TSKS: variants seen among roughly 807,000 people sequenced by gnomAD.
TSKS encodes testis specific serine kinase substrate, also known as testis-specific serine kinase substrate.
In TSKS, 27 loss-of-function variants were observed where a neutral mutation model predicts 68.0. That is an observed-to-expected ratio of 0.40 (90% confidence interval 0.29 to 0.55). The LOEUF is 0.55. Ranked by LOEUF, TSKS falls within the 20% of genes least tolerant of loss-of-function variation. The pLI is 0.53. For missense variants in TSKS, 806 were observed against 776.0 expected (o/e 1.04, Z -0.46); for synonymous variants, 331 against 340.4 (o/e 0.97, Z 0.30).
At chr19:49,757,138 G>T (rs1178946169) in intron 2 of TSKS, among the ~76,000 whole-genome samples, 1 of 152,156 alleles carries the variant, frequency 6.6e-6, no homozygotes, top group Non-Finnish European at 1.5e-5. Context: ...TTTCTTATTT[G>T]CTCTCTCTTC....
Position 49,747,004 on chromosome 19 carries a change from A to G in TSKS, c.664-206T>C, listed in dbSNP as rs1176467784. The G allele has an allele frequency of 2.5e-6, 3 of 1,219,018 alleles. No individual in the cohort carries two copies. In the Admixed American group the frequency reaches 7.9e-5, roughly 32 times the overall value. The allele number at this position is 1,219,018 out of a possible 1,614,324, so 75.5% of individuals were successfully genotyped here. A position where few individuals can be genotyped will look rare whatever the true frequency, so the allele number is the denominator to read the frequency against. ...ACTCCAATTCCCGCTAACCTCCCAC[A>G]GCCTGCCTCCAGGTATCCACCCGGC... On this transcript the variant is annotated intron_variant, in intron 5 of 10. Transcript: ENST00000246801.
At chr19:49,742,072 G>A (rs745842053) in intron 8 of TSKS, 52 bp from the exon 9 acceptor site, 6 of 1,592,058 alleles carry the variant, frequency 3.8e-6, no homozygotes, top group Admixed American at 1.7e-5. Flanking sequence ...ACTCCAGGAC[G>A]CCCCATGCCC....
intron 2 of TSKS, among the ~76,000 whole-genome samples, chr19:49,760,664 C>A (rs1393016772): frequency 6.6e-6 from 1 of 151,168 alleles, no homozygotes. Flanking sequence ...CAGGTGTGTG[C>A]CTGTGGTCCC....
chr19:49,748,217 C>T (rs764159627), intron 3 of TSKS, 49 bp from the exon 4 acceptor site: 2 of 1,603,518 alleles, frequency 1.2e-6, no homozygotes, highest in Non-Finnish European at 1.7e-6. Context: ...AGGGGACAGC[C>T]TGTGGAAAAG....
At chr19:49,752,168 G>A (rs1206844591) in intron 2 of TSKS, among the ~76,000 whole-genome samples, 1 of 152,174 alleles carries the variant, frequency 6.6e-6, no homozygotes, top group African/African-American at 2.4e-5. Flanking sequence ...CAGATCACCT[G>A]AGGTCAGGAA....
In TSKS at chr19:49,743,186, C is replaced by A. The variant is rs115195586; in HGVS notation, c.1361+1045G>T. 8.3e-3 allele frequency among the ~76,000 whole-genome samples: 1,258 copies of A among 151,032 alleles called. 20 individuals are homozygous for A. Among genetic ancestry groups the A allele is most frequent in the African/African-American group, 0.029 (1,189 of 41,078 alleles). On this transcript the variant is annotated intron_variant, in intron 8 of 10. Coordinates refer to ENST00000246801, the MANE Select transcript of TSKS (RefSeq NM_021733.2). ...CTCCACTTCCCAGGTTCAAGAGATTCTTTGGCCTCAGCCTCCCAAGTAGCT... is the reference window on the plus strand; with the variant it reads ...CTCCACTTCCCAGGTTCAAGAGATTATTTGGCCTCAGCCTCCCAAGTAGCT...
intron 2 of TSKS, among the ~76,000 whole-genome samples, chr19:49,761,497 A>AC (rs1333398898): frequency 6.6e-6 from 1 of 151,856 alleles, no homozygotes; most frequent in East Asian, 1.9e-4. Context: ...TTTCCCTGGT[A>AC]CCCCCCAGCC....
In TSKS at chr19:49,739,835, C is replaced by A. The variant is rs769937061; in HGVS notation, c.1720G>T (p.Gly574Trp). Residue 574 changes from glycine (G) to tryptophan (W), a missense_variant, in exon 11 of 11, where the codon GGG (glycine) becomes TGG (tryptophan). Gly to Trp is a radical substitution (Grantham distance 184). Transcript: ENST00000246801. Reference protein sequence around the residue: ...LPLEGSTGTMGGGSSAGTPPK... With the variant: ...LPLEGSTGTMWGGSSAGTPPK... Reference sequence around the variant, plus strand: ...GGGGTTCCTGCACTGCTGCCTCCCCCCATTGTTCCCGTGGACCCCTCAAGT... The same window carrying A: ...GGGGTTCCTGCACTGCTGCCTCCCCACATTGTTCCCGTGGACCCCTCAAGT... 3 of 1,613,426 alleles carry A rather than the reference C, an allele frequency of 1.9e-6. No homozygotes were observed. The highest frequency in any genetic ancestry group is 1.7e-5 in the Admixed American group (1 of 59,984).
At chr19:49,750,514 C>T (rs2084341019) in intron 2 of TSKS, among the ~76,000 whole-genome samples, 1 of 152,154 alleles carries the variant, frequency 6.6e-6, no homozygotes, top group African/African-American at 2.4e-5. Context: ...ACCTCGGCCT[C>T]CCAAAGTGCT....
intron 2 of TSKS, among the ~76,000 whole-genome samples, chr19:49,750,105 A>G (rs1302634272): frequency 6.6e-6 from 1 of 152,070 alleles, no homozygotes; most frequent in East Asian, 1.9e-4. Flanking sequence ...GAAACAGAAG[A>G]AGCCTGAATC....
In TSKS at chr19:49,742,010, G is replaced by T. The variant is rs368864893; in HGVS notation, c.1372C>A (p.Gln458Lys). Residue 458 changes from glutamine (Q) to lysine (K), a missense_variant, in exon 9 of 11, where the codon CAG (glutamine) becomes AAG (lysine). Gln to Lys is a moderately conservative substitution (Grantham distance 53). Transcript: ENST00000246801. ...TGCTGCAGGGACTCCGTAGACAACTGCGACCCCTGGCTGGGGGAGGGGCGG... is the reference window on the plus strand; with the variant it reads ...TGCTGCAGGGACTCCGTAGACAACTTCGACCCCTGGCTGGGGGAGGGGCGG... ...NCARCASQGS[Q>K]LSTESLQQLL... is the part of the protein sequence containing the mutation. The T allele has an allele frequency of 1.4e-5, 23 of 1,613,996 alleles. No individual in the cohort carries two copies. Among genetic ancestry groups the T allele is most frequent in the Non-Finnish European group, 1.9e-5 (23 of 1,180,018 alleles).
At position 49,744,403 on chromosome 19, in the gene TSKS, C is replaced by G. The variant is rs1805508311; in HGVS notation, c.1189G>C (p.Val397Leu). Residue 397 changes from valine to leucine, a missense_variant and splice_region_variant, in exon 8 of 11, where the codon GTG (valine) becomes CTG (leucine). Val to Leu is a conservative substitution (Grantham distance 32). Coordinates refer to ENST00000246801, the MANE Select transcript of TSKS (RefSeq NM_021733.2). ...RGRADELCTM[V>L]ERSAVSVASL... ...GCCACAGACACTGCTGACCGCTCCA[C>G]CCTGAGGCATGAGTAACCAGTGCTG... The G allele has an allele frequency of 3.7e-6, 6 of 1,611,936 alleles. No homozygotes were observed. Among genetic ancestry groups the G allele is most frequent in the Non-Finnish European group, 5.1e-6 (6 of 1,178,286 alleles).
chr19:49,761,880 G>A, intron 2 of TSKS, 124 bp downstream of exon 2: 1 of 732,216 alleles, frequency 1.4e-6, no homozygotes, highest in Non-Finnish European at 2.2e-6. Flanking sequence ...TAGTTCCTCT[G>A]GGTCTCGAAT....
chr19:49,743,068 C>T (rs2084265293), intron 8 of TSKS, among the ~76,000 whole-genome samples: 1 of 151,726 alleles, frequency 6.6e-6, no homozygotes, highest in African/African-American at 2.4e-5. Context: ...AAATATGATG[C>T]TTAAAATGTA....
At chr19:49,754,567 A>C (rs944703613) in intron 2 of TSKS, among the ~76,000 whole-genome samples, 1 of 152,106 alleles carries the variant, frequency 6.6e-6, no homozygotes, top group Non-Finnish European at 1.5e-5. Context: ...AAGAAAAAAA[A>C]CTATGGCCTA....
At chr19:49,754,143 C>T (rs2123621640) in intron 2 of TSKS, among the ~76,000 whole-genome samples, 1 of 151,258 alleles carries the variant, frequency 6.6e-6, no homozygotes, top group South Asian at 2.1e-4. Flanking sequence ...GACTTGGCCT[C>T]CCAAAGTGCT....
rs368197293 is a variant in TSKS, at chr19:49,763,092, G to A, written c.156C>T (p.Ala52=). The A allele has an allele frequency of 3.0e-5, 48 of 1,612,084 alleles. No homozygotes were observed. Among genetic ancestry groups the A allele is most frequent in the East Asian group, 1.8e-4 (8 of 44,618 alleles). ...RAKGIPKKKK[A]VSFHGVEPQM... ...AACAAACCCACCCGTGGAACGACAC[G>A]GCCTTCTTTTTCTTCGGGATCCCCT... is the stretch of plus-strand genomic sequence containing the variant. The change falls in exon 1 of 11, where the codon GCC becomes GCT. Residue 52 remains alanine, a synonymous_variant. Transcript: ENST00000246801. The surrounding 1 kb of genome is among the most constrained non-coding windows in gnomAD (Gnocchi z 4.5).
rs949028481 is a variant in TSKS at position 49,748,271 on chromosome 19, G to T, written c.495+103C>A. The T allele has an allele frequency of 4.5e-6, 7 of 1,558,122 alleles. No homozygotes were observed. The Admixed American group carries it at 1.0e-4, about 23-fold the overall frequency. On this transcript the variant is annotated intron_variant, in intron 3 of 10. Coordinates refer to ENST00000246801, the MANE Select transcript of TSKS (RefSeq NM_021733.2). ...GGTTCCTTTTCTTTCTGAGCCTCAA[G>T]CTCCCCAACTGAGCTATGGGTGCAT...
At chr19:49,754,739 A>C (rs1471421221) in intron 2 of TSKS, among the ~76,000 whole-genome samples, 2 of 152,172 alleles carry the variant, frequency 1.3e-5, no homozygotes, top group Non-Finnish European at 2.9e-5. Flanking sequence ...TTGAGAGAAT[A>C]ATGTCTCACC....
Sources: allele counts gnomAD v4.1 joint callset (sites outside exome capture counted in the v4.1 genomes callset), GRCh38; gene constraint gnomAD v4.1.1; non-coding constraint Gnocchi (gnomAD v3.1); transcripts MANE v1.5; gene names NCBI Gene and HGNC (gene_info 2026-07-23, HGNC 2026-07-21).